The following ABCG2 variants were observed in gnomAD, a reference collection of about 807,000 sequenced individuals.
ABCG2 encodes the protein broad substrate specificity ATP-binding cassette transporter ABCG2.
A neutral mutation model predicts 73.5 loss-of-function variants in ABCG2; 80 were observed. That is an observed-to-expected ratio of 1.09 (90% CI 0.91 to 1.31). The LOEUF (loss-of-function observed/expected upper bound fraction) is 1.31, where lower values mean the gene tolerates loss of function less well. ABCG2 is among the 50% of genes most tolerant of loss of function. The pLI is 0.00. For synonymous variants in ABCG2, 269 were observed against 282.4 expected, an observed-to-expected ratio of 0.95 and a Z score of 0.48; for missense variants, 796 against 786.2, an observed-to-expected ratio of 1.01 and a Z score of -0.15.
Position 88,115,058 on chromosome 4 carries a change from C to G in ABCG2, c.842G>C (p.Gly281Ala). The G allele has an allele frequency of 1.9e-6, 3 of 1,603,492 alleles. No homozygotes were observed. Among genetic ancestry groups the G allele is most frequent in the Non-Finnish European group, 2.6e-6 (3 of 1,172,496 alleles). The change falls in exon 8 of 16, where the codon GGT (glycine) becomes GCT (alanine). Residue 281 changes from glycine to alanine, a missense_variant and splice_region_variant. By Grantham distance (60) the Gly-to-Ala change is moderately conservative. Coordinates refer to ENST00000237612, the MANE Select transcript of ABCG2 (RefSeq NM_004827.3). The part of the protein sequence containing the change: ...QEALGYFESA[G>A]YHCEAYNNPA... ...GTTATTATAGGCCTCACAGTGATAA[C>G]CTATGAAAGAAGGCAGCTCAAAAAC... is the stretch of plus-strand genomic sequence containing the variant.
intron 1 of ABCG2, among the ~76,000 whole-genome samples, chr4:88,193,169 C>T (rs1261563767): frequency 1.3e-5 from 2 of 152,100 alleles, no homozygotes; most frequent in Admixed American, 6.5e-5. Flanking sequence ...ATATTGGGAA[C>T]ATATATGTTA....
chr4:88,175,728 C>T (rs1374808456), intron 1 of ABCG2, among the ~76,000 whole-genome samples: 1 of 152,186 alleles, frequency 6.6e-6, no homozygotes, highest in Admixed American at 6.5e-5. Context: ...GTAGTCTCCG[C>T]GTGCATTCTT....
chr4:88,136,338 T>C (rs551454774), intron 2 of ABCG2, among the ~76,000 whole-genome samples: 2 of 152,222 alleles, frequency 1.3e-5, no homozygotes, highest in Non-Finnish European at 2.9e-5. Context: ...ATGAGCATTT[T>C]AAACACCTAG....
intron 3 of ABCG2, 28 bp from the exon 4 acceptor site, chr4:88,131,945 C>A: frequency 6.5e-7 from 1 of 1,527,996 alleles, no homozygotes; most frequent in South Asian, 1.1e-5. Flanking sequence ...TGTTGTGGGT[C>A]TAATAACCTA....
chr4:88,156,732 G>A (rs1276558457), intron 1 of ABCG2, among the ~76,000 whole-genome samples: 1 of 152,150 alleles, frequency 6.6e-6, no homozygotes, highest in East Asian at 1.9e-4. Flanking sequence ...AAAGTTTAAG[G>A]AAAAATGGCA....
intron 1 of ABCG2, among the ~76,000 whole-genome samples, chr4:88,171,260 C>A (rs1727744632): frequency 1.5e-5 from 2 of 135,456 alleles, no homozygotes. Context: ...TACCCCTGAA[C>A]CTAAAGTAAA....
chr4:88,136,475 G>A (rs146757573), intron 2 of ABCG2, among the ~76,000 whole-genome samples: 4 of 152,198 alleles, frequency 2.6e-5, no homozygotes, highest in Non-Finnish European at 2.9e-5. Context: ...ATGAGGCAAG[G>A]TGGGAGAAAC....
intron 10 of ABCG2, among the ~76,000 whole-genome samples, chr4:88,101,878 T>A (rs1722448629): frequency 6.6e-6 from 1 of 152,238 alleles, no homozygotes; most frequent in South Asian, 2.1e-4. Context: ...TGCTCTATGG[T>A]ATTTTGGTAT....
chr4:88,099,453 A>G lies in ABCG2; in HGVS notation c.1368-5T>C, dbSNP rs554917888. ...TATCCGCTGATGTATTCATGTCTAT[A>G]GAACAAAAATACGTATCATACATCC... On this transcript the variant is annotated splice_polypyrimidine_tract_variant and splice_region_variant and intron_variant, in intron 11 of 15. Transcript: ENST00000237612. 1.9e-6 allele frequency: 3 copies of G among 1,595,170 alleles called. No homozygotes were observed. The highest frequency in any genetic ancestry group is 2.6e-6 in the Non-Finnish European group (3 of 1,173,460).
chr4:88,175,480 T>G (rs1013076547), intron 1 of ABCG2, among the ~76,000 whole-genome samples: 1 of 152,228 alleles, frequency 6.6e-6, no homozygotes, highest in Non-Finnish European at 1.5e-5. Context: ...AAGAATTTGT[T>G]CACCTCAAGG....
At chr4:88,121,566 C>T (rs997783339) in intron 6 of ABCG2, 69 bp downstream of exon 6, 1 of 1,419,370 alleles carries the variant, frequency 7.0e-7, no homozygotes, top group African/African-American at 1.4e-5. Flanking sequence ...GAACCCCCTG[C>T]CCCAAGAATA....
chr4:88,219,218 G>C (rs567291092), intron 1 of ABCG2, among the ~76,000 whole-genome samples: 12 of 152,286 alleles, frequency 7.9e-5, no homozygotes, highest in African/African-American at 2.9e-4. Flanking sequence ...ACCTCCAGGT[G>C]GAGCCCTTTC....
chr4:88,126,432 C>T (rs1025410359), intron 5 of ABCG2, among the ~76,000 whole-genome samples: 12 of 152,172 alleles, frequency 7.9e-5, no homozygotes, highest in Non-Finnish European at 1.5e-4. Flanking sequence ...TTTTATGAGG[C>T]CAGCATCATT....
rs764561522 is a variant in ABCG2 at position 88,107,167 on chromosome 4, G to A, written c.1277+17C>T. 6.4e-7 allele frequency: 1 copy of A among 1,573,478 alleles called. No individual in the cohort carries two copies. The highest frequency in any genetic ancestry group is 1.8e-5 in the Admixed American group (1 of 55,570). Reference sequence around the variant, plus strand: ...AGTAACAGCATTTTCTGAAAATCAAGATCCAAATTTACTTACCTGTTCTGG... The same window carrying A: ...AGTAACAGCATTTTCTGAAAATCAAAATCCAAATTTACTTACCTGTTCTGG... On this transcript the variant is annotated intron_variant, in intron 10 of 15. Transcript: ENST00000237612.
In ABCG2 at chr4:88,113,525, C is replaced by A. The variant is rs1325014091; in HGVS notation, c.972G>T (p.Gln324His). ...KATEIIEPSK[Q>H]DKPLIEKLAE... ...CTAATTTTTCTATGAGTGGCTTATCCTGCTTGGAAGGCTCTATGATCTCTG... is the reference window on the plus strand; with the variant it reads ...CTAATTTTTCTATGAGTGGCTTATCATGCTTGGAAGGCTCTATGATCTCTG... Residue 324 changes from glutamine (Q) to histidine (H), a missense_variant, in exon 9 of 16, where the codon CAG becomes CAT. Transcript: ENST00000237612. 4 of 1,614,090 alleles carry A rather than the reference C, an allele frequency of 2.5e-6. No individual in the cohort carries two copies. The South Asian group carries it at 3.3e-5, about 13-fold the overall frequency.
rs1369358599 is a variant in ABCG2, at chr4:88,113,512, T to C, written c.985A>G (p.Ile329Val). 6 of 1,614,078 alleles carry C rather than the reference T, an allele frequency of 3.7e-6. No individual in the cohort carries two copies. Among genetic ancestry groups the C allele is most frequent in the Non-Finnish European group, 5.1e-6 (6 of 1,180,050 alleles). The part of the protein sequence containing the change: ...IEPSKQDKPL[I>V]EKLAEIYVNS... ...ACATAAATCTCCGCTAATTTTTCTA[T>C]GAGTGGCTTATCCTGCTTGGAAGGC... Residue 329 changes from isoleucine to valine, a missense_variant, in exon 9 of 16, where the codon ATA becomes GTA. Ile to Val is a conservative substitution (Grantham distance 29). Coordinates refer to ENST00000237612, the MANE Select transcript of ABCG2 (RefSeq NM_004827.3).
intron 1 of ABCG2, among the ~76,000 whole-genome samples, chr4:88,179,265 T>G (rs1012773440): frequency 1.9e-4 from 29 of 152,154 alleles, no homozygotes; most frequent in African/African-American, 7.0e-4. Flanking sequence ...GCCTGGTAAT[T>G]CAGAGAATTC....
At chr4:88,220,758 G>A (rs1015559074) in intron 1 of ABCG2, 2 of 152,164 alleles carry the variant, frequency 1.3e-5, no homozygotes, top group Admixed American at 1.3e-4. Context: ...AATCATGCGG[G>A]TGGTTACCCT....
chr4:88,163,796 G>A (rs1727408552), upstream of ABCG2: 2 of 346,222 alleles, frequency 5.8e-6, no homozygotes, highest in South Asian at 2.6e-5. Flanking sequence ...AAAGCTGTCT[G>A]GGCCAAAGGA....
Sources: allele counts gnomAD v4.1 joint callset (sites outside exome capture counted in the v4.1 genomes callset), GRCh38; gene constraint gnomAD v4.1.1; transcripts MANE v1.5; gene names NCBI Gene and HGNC (gene_info 2026-07-23, HGNC 2026-07-21).